Variants in PCLO observed in about 807,000 individuals in gnomAD.
The protein encoded by PCLO is piccolo presynaptic cytomatrix protein, also known as protein piccolo.
In PCLO, 82 loss-of-function variants were observed where a neutral mutation model predicts 427.5. That is an observed-to-expected ratio of 0.19 (90% confidence interval 0.16 to 0.23). The LOEUF (loss-of-function observed/expected upper bound fraction) is 0.23, where lower values mean the gene tolerates loss of function less well. Ranked by LOEUF, PCLO falls within the 10% of genes least tolerant of loss-of-function variation. The pLI, the probability that PCLO is intolerant of heterozygous loss-of-function variation, is 1.00. For missense variants in PCLO, 6,239 were observed against 6,115.9 expected, an observed-to-expected ratio of 1.02 and a Z score of -0.67; for synonymous variants, 2,357 against 2,155.4, an observed-to-expected ratio of 1.09 and a Z score of -2.59.
chr7:82,825,154 T>C (rs766509666), intron 18 of PCLO, among the ~76,000 whole-genome samples: 1 of 152,154 alleles, frequency 6.6e-6, no homozygotes, highest in Non-Finnish European at 1.5e-5. Context: ...TACCACATTT[T>C]GTCATGGTTT....
chr7:82,773,898 A>G (rs1790696090), intron 22 of PCLO, among the ~76,000 whole-genome samples: 1 of 152,170 alleles, frequency 6.6e-6, no homozygotes, highest in Non-Finnish European at 1.5e-5. Flanking sequence ...AGCCCAGGGT[A>G]CCTATATCCT....
chr7:83,114,084 T>C (rs1012619324), intron 3 of PCLO, among the ~76,000 whole-genome samples: 4 of 152,156 alleles, frequency 2.6e-5, no homozygotes, highest in African/African-American at 9.7e-5. Flanking sequence ...TAGTCTTAAC[T>C]ACAATTATAA....
At chr7:82,923,926 C>T (rs1794653981) in intron 6 of PCLO, among the ~76,000 whole-genome samples, 1 of 151,924 alleles carries the variant, frequency 6.6e-6, no homozygotes, top group Non-Finnish European at 1.5e-5. Context: ...CTGGCTTGTA[C>T]CCACTAGATA....
At chr7:82,817,009 T>C (rs780129827) in intron 20 of PCLO, among the ~76,000 whole-genome samples, 4 of 152,174 alleles carry the variant, frequency 2.6e-5, no homozygotes, top group Non-Finnish European at 4.4e-5. Flanking sequence ...ATAGAAATAT[T>C]TGAAAATGCA....
chr7:82,976,190 G>A (rs1209899031), intron 3 of PCLO, among the ~76,000 whole-genome samples: 5 of 152,130 alleles, frequency 3.3e-5, no homozygotes, highest in African/African-American at 1.2e-4. Context: ...CTTGGGATAG[G>A]AAGCAGGAAT....
intron 3 of PCLO, among the ~76,000 whole-genome samples, chr7:83,000,293 GAGAGAGAGAGAGA>G (rs1235869833): frequency 4.0e-5 from 1 of 25,232 alleles, no homozygotes; most frequent in East Asian, 6.6e-3. Flanking sequence ...GAGAGAGAGA[GAGAGAGAGAGAGA>G]AAATAAACCA....
At chr7:83,061,789 A>G (rs1394058295) in intron 3 of PCLO, among the ~76,000 whole-genome samples, 1 of 152,210 alleles carries the variant, frequency 6.6e-6, no homozygotes, top group East Asian at 1.9e-4. Flanking sequence ...AAAGCTAAGT[A>G]TAGTTCTGAA....
intron 2 of PCLO, 28 bp downstream of exon 2, chr7:83,154,720 T>A: frequency 6.7e-7 from 1 of 1,499,384 alleles, no homozygotes; most frequent in Non-Finnish European, 9.3e-7. Context: ...GGCTGAAGAG[T>A]ATGGACTCAG....
intron 3 of PCLO, among the ~76,000 whole-genome samples, chr7:83,083,424 C>CT (rs1481446147): frequency 1.3e-5 from 2 of 151,792 alleles, no homozygotes; most frequent in Admixed American, 6.6e-5. Flanking sequence ...AAAATTTTAG[C>CT]TTTTTTTATT....
chr7:82,902,852 T>A, intron 8 of PCLO, 111 bp from the exon 9 acceptor site: 1 of 614,150 alleles, frequency 1.6e-6, no homozygotes, highest in Non-Finnish European at 2.9e-6. Flanking sequence ...CAATGGAACG[T>A]AGTAGGAGAT....
chr7:82,971,876 A>G (rs1440294357), intron 3 of PCLO, among the ~76,000 whole-genome samples: 1 of 151,364 alleles, frequency 6.6e-6, no homozygotes, highest in South Asian at 2.1e-4. Flanking sequence ...ATGCTTTAAG[A>G]CTGCTTCCAT....
At chr7:82,780,163 G>A (rs1790842407) in intron 22 of PCLO, among the ~76,000 whole-genome samples, 1 of 152,106 alleles carries the variant, frequency 6.6e-6, no homozygotes. Context: ...TGTGAATAGT[G>A]CCTCTTGAAA....
intron 14 of PCLO, among the ~76,000 whole-genome samples, chr7:82,840,307 A>G (rs1399104378): frequency 6.6e-6 from 1 of 151,946 alleles, no homozygotes; most frequent in Non-Finnish European, 1.5e-5. Context: ...CCTTCTGCAC[A>G]TTTTCTCCAT....
At chr7:82,970,263 A>T (rs185821398) in intron 3 of PCLO, among the ~76,000 whole-genome samples, 29 of 152,180 alleles carry the variant, frequency 1.9e-4, no homozygotes, top group African/African-American at 5.8e-4. Context: ...ATTATTCCCA[A>T]ATAAATGACA....
intron 9 of PCLO, among the ~76,000 whole-genome samples, chr7:82,892,699 A>G (rs1793799635): frequency 6.6e-6 from 1 of 152,178 alleles, no homozygotes; most frequent in African/African-American, 2.4e-5. Context: ...GCTAATATCC[A>G]GAATCTACAA....
chr7:82,902,319 C>G (rs12674119), intron 9 of PCLO, among the ~76,000 whole-genome samples: 55 of 150,954 alleles, frequency 3.6e-4, no homozygotes, highest in African/African-American at 1.3e-3. Context: ...AGTAAACTAT[C>G]GCAAGGACAA....
chr7:83,115,985 C>T (rs546279045), intron 3 of PCLO, among the ~76,000 whole-genome samples: 33 of 151,624 alleles, frequency 2.2e-4, no homozygotes, highest in Middle Eastern at 3.4e-3. Flanking sequence ...CACACACACA[C>T]GCACACATAT....
At chr7:83,156,973 G>A (rs1425882159) in intron 1 of PCLO, among the ~76,000 whole-genome samples, 1 of 152,076 alleles carries the variant, frequency 6.6e-6, no homozygotes, top group Non-Finnish European at 1.5e-5. Flanking sequence ...TGTGAAATAA[G>A]GGGAGTTTCT....
intron 2 of PCLO, among the ~76,000 whole-genome samples, chr7:83,147,921 AT>A (rs1032675343): frequency 6.6e-6 from 1 of 152,134 alleles, no homozygotes; most frequent in African/African-American, 2.4e-5. Flanking sequence ...TTTTGATTTT[AT>A]TTTTATGTAT....
Sources: gnomAD v4.1 joint callset for allele counts (sites outside exome capture counted in the v4.1 genomes callset) on GRCh38, gnomAD v4.1.1 for gene constraint, MANE v1.5 for transcripts, NCBI Gene and HGNC (gene_info 2026-07-23, HGNC 2026-07-21) for gene names.